TENM1: variants seen among roughly 807,000 people sequenced by gnomAD.
TENM1 encodes the protein teneurin-1.
Under a neutral mutation model 174.8 loss-of-function variants are expected in TENM1, and 35 were observed. That is an observed-to-expected ratio of 0.20 (90% CI 0.15 to 0.27). The LOEUF (loss-of-function observed/expected upper bound fraction) is 0.27. Among genes scored for constraint, TENM1 ranks in the 10% least tolerant of loss-of-function variants. TENM1 has a pLI of 1.00. For synonymous variants in TENM1, 781 were observed against 798.7 expected, an observed-to-expected ratio of 0.98 and a Z score of 0.37; for missense variants, 1,633 against 2,130.1, an observed-to-expected ratio of 0.77 and a Z score of 4.59.
At chrX:124,534,059 T>C (rs2048160815) in intron 15 of TENM1, among the ~76,000 whole-genome samples, 1 of 111,903 alleles carries the variant, frequency 8.9e-6, no homozygotes, top group Admixed American at 9.5e-5. Context: ...GTGTCTTTTT[T>C]CCTGTTCTCT....
intron 3 of TENM1, among the ~76,000 whole-genome samples, chrX:124,881,643 G>T (rs1313165498): frequency 9.1e-6 from 1 of 109,810 alleles, no homozygotes; most frequent in Non-Finnish European, 1.9e-5. Context: ...TTTTTGATGT[G>T]CGCATTTTTT....
chrX:124,515,227 C>T (rs1479501146), intron 18 of TENM1, among the ~76,000 whole-genome samples: 1 of 111,436 alleles, frequency 9.0e-6, no homozygotes, highest in Non-Finnish European at 1.9e-5. Flanking sequence ...CTATGACAAC[C>T]CCACAGCCAA....
chrX:125,091,000 T>C, the TENM1 span, among the ~76,000 whole-genome samples: 1 of 110,850 alleles, frequency 9.0e-6, no homozygotes, highest in Non-Finnish European at 1.9e-5. Context: ...CAAAGAAGAG[T>C]TGAAAGCAAC....
chrX:125,175,165 G>A, the TENM1 span, among the ~76,000 whole-genome samples: 686 of 110,925 alleles, frequency 6.2e-3, 3 homozygotes, highest in Middle Eastern at 0.014. Flanking sequence ...GATTATCTAT[G>A]TCCTCAAGAG....
intron 16 of TENM1, among the ~76,000 whole-genome samples, chrX:124,526,732 A>T (rs773368703): frequency 2.7e-5 from 3 of 112,311 alleles, no homozygotes; most frequent in South Asian, 7.4e-4. Context: ...CTACAGATGG[A>T]AGGCTATTGA....
chrX:124,968,936 G>A, the TENM1 span, among the ~76,000 whole-genome samples: 1 of 111,743 alleles, frequency 8.9e-6, no homozygotes, highest in Non-Finnish European at 1.9e-5. Context: ...ATCCACCAAT[G>A]GTTGAAAGCA....
the TENM1 span, among the ~76,000 whole-genome samples, chrX:125,072,323 A>G: frequency 9.0e-6 from 1 of 111,266 alleles, no homozygotes; most frequent in Non-Finnish European, 1.9e-5. Flanking sequence ...AATCAATCTG[A>G]TGCTGTTTTA....
At chrX:125,142,960 A>G in the TENM1 span, among the ~76,000 whole-genome samples, 1 of 112,230 alleles carries the variant, frequency 8.9e-6, no homozygotes, top group Non-Finnish European at 1.9e-5. Context: ...AGAAGAAAAA[A>G]TGAGATAAAA....
chrX:125,155,734 T>C, the TENM1 span, among the ~76,000 whole-genome samples: 1 of 112,791 alleles, frequency 8.9e-6, no homozygotes, highest in Admixed American at 9.2e-5. Context: ...AAGCCCTTCA[T>C]TGCCCGGCCG....
At chrX:124,758,807 T>G (rs2054332629) in intron 3 of TENM1, among the ~76,000 whole-genome samples, 1 of 111,955 alleles carries the variant, frequency 8.9e-6, no homozygotes, top group South Asian at 3.7e-4. Flanking sequence ...TAATACCACT[T>G]ATATGAGGAA....
At chrX:125,181,683 G>C in the TENM1 span, among the ~76,000 whole-genome samples, 1 of 111,881 alleles carries the variant, frequency 8.9e-6, no homozygotes, top group African/African-American at 3.3e-5. Flanking sequence ...GGGATAGGAG[G>C]AGGGAGCACA....
intron 20 of TENM1, among the ~76,000 whole-genome samples, chrX:124,491,704 A>G (rs1007228432): frequency 8.9e-6 from 1 of 111,951 alleles, no homozygotes; most frequent in African/African-American, 3.2e-5. Flanking sequence ...TGTTCTATCA[A>G]TGGAAATAAA....
At chrX:124,842,226 T>C (rs1211356710) in intron 3 of TENM1, among the ~76,000 whole-genome samples, 3 of 111,894 alleles carry the variant, frequency 2.7e-5, no homozygotes, top group Non-Finnish European at 5.6e-5. Context: ...ATACAAAGTA[T>C]ATGCTCAATA....
chrX:124,926,812 A>G (rs766014637), intron 1 of TENM1, among the ~76,000 whole-genome samples: 1 of 112,105 alleles, frequency 8.9e-6, no homozygotes, highest in African/African-American at 3.2e-5. Context: ...TCATTGCACT[A>G]TTAAAGTCTG....
intron 15 of TENM1, among the ~76,000 whole-genome samples, chrX:124,534,046 C>A (rs1290573920): frequency 8.9e-6 from 1 of 111,925 alleles, no homozygotes; most frequent in Admixed American, 9.5e-5. Context: ...TCACCCCTCA[C>A]AAGTGTCTTT....
intron 1 of TENM1, among the ~76,000 whole-genome samples, chrX:124,912,680 G>A (rs1398747850): frequency 2.7e-5 from 3 of 111,744 alleles, no homozygotes; most frequent in African/African-American, 6.5e-5. Flanking sequence ...TAAAAGTCCA[G>A]TCTTGAAAGG....
At chrX:124,484,198 G>A (rs1453996592) in intron 21 of TENM1, among the ~76,000 whole-genome samples, 1 of 111,463 alleles carries the variant, frequency 9.0e-6, no homozygotes, top group East Asian at 2.8e-4. Flanking sequence ...TTGGGAGGAA[G>A]AGCACAGAGG....
rs923581490 is a variant in TENM1 at position 124,843,441 on chromosome X, C to T, written c.535+50855G>A. 5.4e-5 allele frequency among the ~76,000 whole-genome samples: 6 copies of T among 110,652 alleles called. No homozygotes were observed. In the Admixed American group the frequency reaches 5.8e-4, roughly 11 times the overall value. On this transcript the variant is annotated intron_variant, in intron 3 of 31. Transcript: ENST00000422452. The stretch of plus-strand genomic sequence containing the variant: ...TGCTGCTTGCCACTCTATTCAGAGC[C>T]TAGAAGTATATTAACTACAGCTGAT...
intron 27 of TENM1, among the ~76,000 whole-genome samples, chrX:124,404,254 T>C (rs7061257): frequency 0.22 from 24,059 of 110,713 alleles, 2,138 homozygotes; most frequent in African/African-American, 0.31. Context: ...GGCTGGCAGT[T>C]GCTCTAGGGC....
Sources: allele counts gnomAD v4.1 joint callset (sites outside exome capture counted in the v4.1 genomes callset), GRCh38; gene constraint gnomAD v4.1.1; transcripts MANE v1.5; gene names NCBI Gene and HGNC (gene_info 2026-07-23, HGNC 2026-07-21).